The following ENTPD1 variants were observed in gnomAD, a reference collection of about 807,000 sequenced individuals.
The protein encoded by ENTPD1 is ectonucleoside triphosphate diphosphohydrolase 1.
A neutral mutation model predicts 57.0 loss-of-function variants in ENTPD1; 33 were observed. That is an observed-to-expected ratio of 0.58 (90% CI 0.44 to 0.77). ENTPD1 has a LOEUF of 0.77. Among genes scored for constraint, ENTPD1 ranks in the 30% least tolerant of loss-of-function variants. ENTPD1 has a pLI of 0.00. For missense variants in ENTPD1, 501 were observed against 603.4 expected, an observed-to-expected ratio of 0.83 and a Z score of 1.78; for synonymous variants, 202 against 218.8, an observed-to-expected ratio of 0.92 and a Z score of 0.68.
chr10:95,870,201 A>T lies in ENTPD1; in HGVS notation c.*3818A>T. 1 of 985,422 alleles carries T rather than the reference A, an allele frequency of 1.0e-6. No individual in the cohort carries two copies. Among genetic ancestry groups the T allele is most frequent in the Non-Finnish European group, 1.2e-6 (1 of 829,940 alleles). 61.0% of individuals were successfully genotyped at this position (985,422 alleles called of 1,614,324 possible). Reference sequence around the variant, plus strand: ...TTCAGTCCAAGATGCATGACAAGAGACCTTGGGAAAGTTTCATCTGGATTT... The same window carrying T: ...TTCAGTCCAAGATGCATGACAAGAGTCCTTGGGAAAGTTTCATCTGGATTT... On this transcript the variant is annotated 3_prime_UTR_variant, in exon 10 of 10. Coordinates refer to ENST00000371205, the MANE Select transcript of ENTPD1 (RefSeq NM_001776.6).
rs1336961435 is a variant in ENTPD1, at chr10:95,729,480, G to A, written c.37+17487G>A. 4.6e-5 allele frequency among the ~76,000 whole-genome samples: 7 copies of A among 152,258 alleles called. No individual in the cohort carries two copies. In the East Asian group the frequency reaches 1.3e-3, roughly 29 times the overall value. Reference sequence around the variant, plus strand: ...AGGATGGTGTCAAAATGGAGTGTTGGCAGTGTTCCTTATGTGAAGTAAAGA... The same window carrying A: ...AGGATGGTGTCAAAATGGAGTGTTGACAGTGTTCCTTATGTGAAGTAAAGA... On this transcript the variant is annotated intron_variant, in intron 1 of 9. Coordinates refer to the ENTPD1 transcript ENST00000453258.
intron 1 of ENTPD1, among the ~76,000 whole-genome samples, chr10:95,775,429 C>T (rs955516837): frequency 6.6e-6 from 1 of 152,148 alleles, no homozygotes; most frequent in African/African-American, 2.4e-5. Flanking sequence ...GGAATGCTTC[C>T]AGTTTTTGCC....
chr10:95,840,938 G>A (rs1027963197), intron 3 of ENTPD1, among the ~76,000 whole-genome samples: 2 of 152,294 alleles, frequency 1.3e-5, no homozygotes, highest in African/African-American at 4.8e-5. Flanking sequence ...AAGTAGTAGA[G>A]AGGAGATATT....
chr10:95,842,450 G>A lies in ENTPD1; in HGVS notation c.369G>A (p.Glu123=). ...REVIPRSQHQ[E]TPVYLGATAG... ...TGATTCCAAGGTCCCAGCACCAAGAGACACCCGTTTACCTGGGAGCCACGG... is the reference window on the plus strand; with the variant it reads ...TGATTCCAAGGTCCCAGCACCAAGAAACACCCGTTTACCTGGGAGCCACGG... Residue 123 remains glutamate, a synonymous_variant, in exon 4 of 10, where the codon GAG becomes GAA. Transcript: ENST00000371205. 6.2e-7 allele frequency: 1 copy of A among 1,614,088 alleles called. No individual in the cohort carries two copies. Among genetic ancestry groups the A allele is most frequent in the Non-Finnish European group, 8.5e-7 (1 of 1,180,012 alleles).
chr10:95,838,577 T>C (rs980957406), intron 2 of ENTPD1, among the ~76,000 whole-genome samples: 2 of 152,178 alleles, frequency 1.3e-5, no homozygotes, highest in African/African-American at 2.4e-5. Context: ...AGTTCATACA[T>C]TGCAGTTCAA....
At chr10:95,806,937 G>A (rs1471000464) in intron 1 of ENTPD1, among the ~76,000 whole-genome samples, 1 of 152,192 alleles carries the variant, frequency 6.6e-6, no homozygotes, top group Non-Finnish European at 1.5e-5. Flanking sequence ...CTACTGGGAG[G>A]TGTCTCCCAG....
At chr10:95,796,710 A>G (rs1411415887) in intron 1 of ENTPD1, among the ~76,000 whole-genome samples, 1 of 152,110 alleles carries the variant, frequency 6.6e-6, no homozygotes, top group East Asian at 1.9e-4. Context: ...TAAGTAGATG[A>G]TGTGTTGGAA....
At chr10:95,701,907 C>A in the ENTPD1 span, among the ~76,000 whole-genome samples, 662 of 152,060 alleles carry the variant, frequency 4.4e-3, 3 homozygotes, top group African/African-American at 0.015. Flanking sequence ...ATACATAGAA[C>A]AAAGCCAATA....
intron 1 of ENTPD1, among the ~76,000 whole-genome samples, chr10:95,738,974 T>G (rs983932678): frequency 6.7e-6 from 1 of 149,850 alleles, no homozygotes; most frequent in Non-Finnish European, 1.5e-5. Context: ...TTACACAAAT[T>G]TTTTGGTTTC....
Position 95,776,031 on chromosome 10 carries a change from G to A in ENTPD1, c.16+19776G>A, listed in dbSNP as rs956888009. Among the ~76,000 whole-genome samples the A allele has an allele frequency of 2.4e-4, 37 of 152,152 alleles. 2 individuals are homozygous for A. The highest frequency in any genetic ancestry group is 1.4e-3 in the Admixed American group (21 of 15,276). ...ATCCATTTATTTTGAGCCTATGTGC[G>A]TTCCTTGCACATGAGATGGGTCTCC... On this transcript the variant is annotated intron_variant, in intron 1 of 9. Transcript: ENST00000371205.
At chr10:95,848,244 T>G (rs1008150542) in intron 7 of ENTPD1, among the ~76,000 whole-genome samples, 1 of 152,186 alleles carries the variant, frequency 6.6e-6, no homozygotes, top group African/African-American at 2.4e-5. Context: ...GATATCTCCC[T>G]TCAGGATGTC....
At chr10:95,752,802 G>T (rs7089810), upstream of ENTPD1, among the ~76,000 whole-genome samples, 502 of 152,170 alleles carry the variant, frequency 3.3e-3, 2 homozygotes, top group African/African-American at 0.011. Flanking sequence ...AAAATGCTGG[G>T]GTTACACGGT....
In ENTPD1 at chr10:95,851,441, T is replaced by A. The variant is rs189752217; in HGVS notation, c.1074+3735T>A. Among the ~76,000 whole-genome samples the A allele has an allele frequency of 5.1e-3, 778 of 152,178 alleles. 6 individuals carry two copies. Among genetic ancestry groups the A allele is most frequent in the Middle Eastern group, 0.031 (9 of 294 alleles). On this transcript the variant is annotated intron_variant, in intron 7 of 9. Coordinates refer to ENST00000371205, the MANE Select transcript of ENTPD1 (RefSeq NM_001776.6). ...TCTAGGTTGGATGATCTTTTTTTTT[T>A]AATTATACTTTAAGTTCTAGGGTAC...
At chr10:95,743,101 A>G (rs546273101) in intron 1 of ENTPD1, among the ~76,000 whole-genome samples, 1 of 152,222 alleles carries the variant, frequency 6.6e-6, no homozygotes, top group Non-Finnish European at 1.5e-5. Flanking sequence ...TTTAATCTTC[A>G]TGACTCCTTA....
chr10:95,748,702 A>T (rs1311743118), intron 1 of ENTPD1, among the ~76,000 whole-genome samples: 2 of 152,174 alleles, frequency 1.3e-5, no homozygotes, highest in African/African-American at 4.8e-5. Context: ...ATTTTCTTTA[A>T]GTTTCTTTTA....
At chr10:95,860,621 C>T (rs1480126133) in intron 8 of ENTPD1, 39 bp downstream of exon 8, 1 of 1,560,572 alleles carries the variant, frequency 6.4e-7, no homozygotes, top group African/African-American at 1.4e-5. Flanking sequence ...AGCATGAGTG[C>T]CCTGTGTCGT....
At chr10:95,716,782 C>G (rs1356838959) in intron 1 of ENTPD1, among the ~76,000 whole-genome samples, 1 of 152,194 alleles carries the variant, frequency 6.6e-6, no homozygotes, top group East Asian at 1.9e-4. Context: ...AATCAATTAC[C>G]CAGTCTCAGG....
Position 95,871,080 on chromosome 10 carries a change from A to T in ENTPD1, c.*4697A>T, listed in dbSNP as rs2098479907. ...CTTGGTCAGGATGGGGTCTCCTGTC[A>T]CTTCTGTCACAGGCTATTGTAAGTC... On this transcript the variant is annotated 3_prime_UTR_variant, in exon 10 of 10. Transcript: ENST00000371205. 1 of 985,460 alleles carries T rather than the reference A, an allele frequency of 1.0e-6. No individual in the cohort carries two copies. The highest frequency in any genetic ancestry group is 1.7e-5 in the African/African-American group (1 of 57,374). 61.0% of individuals were successfully genotyped at this position (985,460 alleles called of 1,614,324 possible). A position where few individuals can be genotyped will look rare whatever the true frequency, so the allele number is the denominator to read the frequency against.
At position 95,868,943 on chromosome 10, in the gene ENTPD1, A is replaced by G; in HGVS notation, c.*2560A>G. ...ATTATGGAGACAATCAGCAGACACA[A>G]CCTAACCCCAATTATTTTGGCAGGA... On this transcript the variant is annotated 3_prime_UTR_variant, in exon 10 of 10. Transcript: ENST00000371205. The G allele has an allele frequency of 1.0e-6, 1 of 985,330 alleles. No individual in the cohort carries two copies. Among genetic ancestry groups the G allele is most frequent in the Non-Finnish European group, 1.2e-6 (1 of 829,912 alleles). The allele number at this position is 985,330 out of a possible 1,614,324, so 61.0% of individuals were successfully genotyped here.
Sources: allele counts gnomAD v4.1 joint callset (sites outside exome capture counted in the v4.1 genomes callset), GRCh38; gene constraint gnomAD v4.1.1; transcripts MANE v1.5; gene names NCBI Gene and HGNC (gene_info 2026-07-23, HGNC 2026-07-21).